The following DGKI variants were observed in gnomAD, a reference collection of about 807,000 sequenced individuals.
The protein encoded by DGKI is DAG kinase iota.
In DGKI, 55 loss-of-function variants were observed where a neutral mutation model predicts 147.5. That is an observed-to-expected ratio of 0.37 (90% CI 0.30 to 0.47). DGKI has a LOEUF of 0.47. DGKI is among the 20% of genes least tolerant of loss of function. The pLI is 1.00. For synonymous variants in DGKI, 469 were observed against 477.1 expected (o/e 0.98, Z 0.22); for missense variants, 1,007 against 1,323.8 (o/e 0.76, Z 3.71).
At chr7:137,782,956 C>T (rs965254233) in intron 1 of DGKI, among the ~76,000 whole-genome samples, 1 of 152,110 alleles carries the variant, frequency 6.6e-6, no homozygotes, top group Non-Finnish European at 1.5e-5. Flanking sequence ...GGGAGCACCC[C>T]GTGGGACAAA....
intron 1 of DGKI, among the ~76,000 whole-genome samples, chr7:137,830,574 G>C (rs925159766): frequency 6.6e-6 from 1 of 152,202 alleles, no homozygotes; most frequent in Non-Finnish European, 1.5e-5. Flanking sequence ...CCAGTATGCT[G>C]TCAAATTAGA....
chr7:137,762,692 A>G (rs1191341136), intron 1 of DGKI, among the ~76,000 whole-genome samples: 1 of 152,130 alleles, frequency 6.6e-6, no homozygotes, highest in Non-Finnish European at 1.5e-5. Flanking sequence ...TGCTCGGTTC[A>G]ATAGCTCTCC....
chr7:137,463,958 G>A (rs528619325), intron 26 of DGKI, among the ~76,000 whole-genome samples: 107 of 152,244 alleles, frequency 7.0e-4, no homozygotes, highest in African/African-American at 2.5e-3. Context: ...TAGTTCAGGG[G>A]AGGCAACTGG....
chr7:137,654,439 G>T (rs547724148), intron 5 of DGKI, among the ~76,000 whole-genome samples: 2 of 152,222 alleles, frequency 1.3e-5, no homozygotes, highest in South Asian at 2.1e-4. Context: ...AGTAATAAAA[G>T]TCTATTTCTT....
intron 6 of DGKI, among the ~76,000 whole-genome samples, chr7:137,637,053 G>A (rs73461054): frequency 0.044 from 6,747 of 152,184 alleles, 472 homozygotes; most frequent in African/African-American, 0.14. Context: ...CGAAGACATC[G>A]GCCAAGGACA....
In DGKI at chr7:137,389,787, A is replaced by G. The variant is rs1179993662; in HGVS notation, c.*1433T>C. ...TTACAATTCTAACTATCTGACAGAC[A>G]TTTCTGGCTAGATTCCAATGGTGGT... On this transcript the variant is annotated 3_prime_UTR_variant, in exon 33 of 33. Transcript: ENST00000614521. 3 of 152,172 alleles carry G rather than the reference A, an allele frequency of 2.0e-5. No homozygotes were observed. Among genetic ancestry groups the G allele is most frequent in the African/African-American group, 7.2e-5 (3 of 41,442 alleles). The allele number at this position is 152,172 out of a possible 1,614,324, so 9.4% of individuals were successfully genotyped here.
At chr7:137,662,240 CTTTT>C (rs1170356266) in intron 3 of DGKI, among the ~76,000 whole-genome samples, 1 of 126,444 alleles carries the variant, frequency 7.9e-6, no homozygotes, top group Non-Finnish European at 1.7e-5. Context: ...CAGCACACTC[CTTTT>C]TTTTTTTTTT....
At chr7:137,467,637 C>T (rs75435968) in intron 24 of DGKI, among the ~76,000 whole-genome samples, 2,170 of 152,194 alleles carry the variant, frequency 0.014, 20 homozygotes, top group Non-Finnish European at 0.02. Flanking sequence ...AGAGATTGAG[C>T]TACATCTATG....
At chr7:137,724,317 T>C (rs539541014) in intron 1 of DGKI, among the ~76,000 whole-genome samples, 7 of 152,210 alleles carry the variant, frequency 4.6e-5, no homozygotes, top group Non-Finnish European at 7.4e-5. Flanking sequence ...GAAACCAACA[T>C]AAGTTTTTGA....
At chr7:137,662,583 T>C (rs1822482091) in intron 3 of DGKI, among the ~76,000 whole-genome samples, 1 of 152,092 alleles carries the variant, frequency 6.6e-6, no homozygotes, top group African/African-American at 2.4e-5. Context: ...ACTCATTCTG[T>C]CTATGACAAC....
rs569465432 is a variant in DGKI at position 137,840,667 on chromosome 7, T to C, written c.401+5795A>G. 3.2e-4 allele frequency among the ~76,000 whole-genome samples: 48 copies of C among 152,320 alleles called. No individual in the cohort carries two copies. The South Asian group carries it at 7.5e-3, about 24-fold the overall frequency. On this transcript the variant is annotated intron_variant, in intron 1 of 32. Coordinates refer to ENST00000614521, the MANE Select transcript of DGKI (RefSeq NM_001321708.2). ...TACGCAAACAGGAAGCTGTAAACAG[T>C]AACGCAGTCCTGGGCTGCTGGACAA...
chr7:137,448,416 C>T (rs987500191), intron 27 of DGKI, among the ~76,000 whole-genome samples: 20 of 147,684 alleles, frequency 1.4e-4, no homozygotes, highest in African/African-American at 4.5e-4. Context: ...AGGCAAAGAA[C>T]ACACTAAAAA....
At chr7:137,401,727 T>A (rs540082462) in intron 30 of DGKI, among the ~76,000 whole-genome samples, 1 of 152,118 alleles carries the variant, frequency 6.6e-6, no homozygotes, top group Non-Finnish European at 1.5e-5. Flanking sequence ...CAGGTCTCTG[T>A]CTCTTCCAGG....
intron 19 of DGKI, among the ~76,000 whole-genome samples, chr7:137,568,259 C>A (rs1350079658): frequency 6.6e-6 from 1 of 152,194 alleles, no homozygotes; most frequent in African/African-American, 2.4e-5. Context: ...ACTACAATTC[C>A]TCCTACTTCC....
intron 1 of DGKI, among the ~76,000 whole-genome samples, chr7:137,721,675 C>T (rs1048599738): frequency 1.3e-5 from 2 of 152,134 alleles, no homozygotes; most frequent in African/African-American, 4.8e-5. Context: ...TTGCTTAAAA[C>T]CATTTAATGT....
At chr7:137,736,969 C>A (rs1258611310) in intron 1 of DGKI, among the ~76,000 whole-genome samples, 4 of 151,890 alleles carry the variant, frequency 2.6e-5, no homozygotes, top group Admixed American at 2.0e-4. Flanking sequence ...CTCTTATAAG[C>A]CAGATTGAAT....
In DGKI at chr7:137,517,319, GAAAGAAAGAAAGAAAGAA is replaced by G. The variant is rs1563063960; in HGVS notation, c.2248+4529_2248+4546del. Among the ~76,000 whole-genome samples, 501 of 101,004 alleles carry G rather than the reference GAAAGAAAGAAAGAAAGAA, an allele frequency of 5.0e-3. 5 individuals are homozygous for G. Among genetic ancestry groups the G allele is most frequent in the African/African-American group, 0.021 (475 of 23,128 alleles). The allele number at this position is 101,004 out of a possible 152,430, so 66.3% of individuals were successfully genotyped here. A position where few individuals can be genotyped will look rare whatever the true frequency, so the allele number is the denominator to read the frequency against. ...AGAAAGAAAGAAAGAAAGAAAGAAA[GAAAGAAAGAAAGAAAGAA>G]AGAGAAAGAAAGAAAGAAGGAAAGA... is the stretch of plus-strand genomic sequence containing the variant. On this transcript the variant is annotated intron_variant, in intron 21 of 32. Coordinates refer to ENST00000614521, the MANE Select transcript of DGKI (RefSeq NM_001321708.2).
intron 7 of DGKI, 84 bp from the exon 8 acceptor site, chr7:137,620,024 C>CAA: frequency 4.6e-6 from 3 of 652,920 alleles, no homozygotes; most frequent in South Asian, 3.5e-5. Flanking sequence ...CACACGCACA[C>CAA]ACACACACAC....
intron 1 of DGKI, among the ~76,000 whole-genome samples, chr7:137,821,758 A>G (rs1797908946): frequency 6.6e-6 from 1 of 152,250 alleles, no homozygotes; most frequent in Non-Finnish European, 1.5e-5. Context: ...CAGGCAGAGT[A>G]GACAAATCCA....
Sources: allele counts gnomAD v4.1 joint callset (sites outside exome capture counted in the v4.1 genomes callset), GRCh38; gene constraint gnomAD v4.1.1; transcripts MANE v1.5; gene names NCBI Gene and HGNC (gene_info 2026-07-23, HGNC 2026-07-21).